The following SCP2 variants were observed in gnomAD, a reference collection of about 807,000 sequenced individuals.
The protein encoded by SCP2 is SCP-2/3-oxoacyl-CoA thiolase.
Under a neutral mutation model 71.4 loss-of-function variants are expected in SCP2, and 48 were observed. The observed-to-expected ratio is 0.67, with a 90% CI of 0.53 to 0.86. The LOEUF is 0.86. Ranked by LOEUF, SCP2 falls within the 40% of genes least tolerant of loss-of-function variation. The probability of loss-of-function intolerance (pLI) is 0.00; values close to 1 mark genes in which losing one functional copy is unlikely to be tolerated. For synonymous variants in SCP2, 220 were observed against 218.1 expected, an observed-to-expected ratio of 1.01 and a Z score of -0.08; for missense variants, 560 against 655.6, an observed-to-expected ratio of 0.85 and a Z score of 1.59.
chr1:53,015,527 C>T (rs1661274841), intron 12 of SCP2, among the ~76,000 whole-genome samples: 1 of 152,176 alleles, frequency 6.6e-6, no homozygotes, highest in Admixed American at 6.5e-5. Context: ...CACTTTCTTT[C>T]GCATCCCACT....
At chr1:52,970,968 ATTTTTTTT>A (rs1200663958) in intron 6 of SCP2, among the ~76,000 whole-genome samples, 2 of 70,976 alleles carry the variant, frequency 2.8e-5, no homozygotes, top group African/African-American at 1.4e-4. Flanking sequence ...AGAGACACAG[ATTTTTTTT>A]TTTTTTTTTT....
At chr1:52,962,320 T>G (rs1015604363) in intron 6 of SCP2, among the ~76,000 whole-genome samples, 2 of 152,182 alleles carry the variant, frequency 1.3e-5, no homozygotes, top group Non-Finnish European at 2.9e-5. Flanking sequence ...GTCTATCCAT[T>G]TCTCACCATT....
intron 11 of SCP2, chr1:52,995,351 G>A (rs559491009): frequency 5.9e-5 from 28 of 472,090 alleles, no homozygotes; most frequent in South Asian, 3.3e-4. Flanking sequence ...ATCTGCTCCC[G>A]CACTTTGAAG....
At chr1:52,952,427 A>G (rs1300111014) in intron 4 of SCP2, among the ~76,000 whole-genome samples, 1 of 152,150 alleles carries the variant, frequency 6.6e-6, no homozygotes, top group Non-Finnish European at 1.5e-5. Context: ...AGGTCTTGCT[A>G]TGTTGCCCAG....
chr1:52,927,458 T>C lies in SCP2; in HGVS notation c.62T>C (p.Met21Thr). 6.2e-7 allele frequency: 1 copy of C among 1,600,006 alleles called. No individual in the cohort carries two copies. Among genetic ancestry groups the C allele is most frequent in the Non-Finnish European group, 8.5e-7 (1 of 1,173,972 alleles). Residue 21 changes from methionine (M) to threonine (T), a missense_variant, in exon 1 of 16, where the codon ATG becomes ACG. By Grantham distance (81) the Met-to-Thr change is moderately conservative. Transcript: ENST00000371514. Reference protein sequence around the residue: ...LRRVFVVGVGMTKFVKPGAEN... With the variant: ...LRRVFVVGVGTTKFVKPGAEN... ...CGGGTGTTCGTGGTGGGGGTTGGCATGACCAAGGTAAACCGAGCAGCGGCC... is the reference window on the plus strand; with the variant it reads ...CGGGTGTTCGTGGTGGGGGTTGGCACGACCAAGGTAAACCGAGCAGCGGCC...
At chr1:53,022,902 G>C (rs896361110) in intron 12 of SCP2, among the ~76,000 whole-genome samples, 1 of 151,998 alleles carries the variant, frequency 6.6e-6, no homozygotes, top group African/African-American at 2.4e-5. Flanking sequence ...TTATTTGCTG[G>C]TTTTTATCTT....
At chr1:53,022,646 C>T (rs1661830376) in intron 12 of SCP2, among the ~76,000 whole-genome samples, 1 of 152,154 alleles carries the variant, frequency 6.6e-6, no homozygotes, top group Non-Finnish European at 1.5e-5. Context: ...TTTGTTTAAT[C>T]CTCATAAAAG....
chr1:52,966,128 C>T (rs1192834912), intron 6 of SCP2, among the ~76,000 whole-genome samples: 1 of 152,118 alleles, frequency 6.6e-6, no homozygotes, highest in Non-Finnish European at 1.5e-5. Flanking sequence ...ACTGACTTAT[C>T]TAATTGTATT....
intron 10 of SCP2, among the ~76,000 whole-genome samples, chr1:52,987,711 G>T (rs1659121729): frequency 6.6e-6 from 1 of 152,148 alleles, no homozygotes; most frequent in South Asian, 2.1e-4. Flanking sequence ...TTTTAAAGCT[G>T]ACAGTTATTT....
chr1:52,927,410 C>A lies in SCP2; in HGVS notation c.14C>A (p.Pro5Gln). 3.1e-6 allele frequency: 5 copies of A among 1,597,850 alleles called. No homozygotes were observed. Among genetic ancestry groups the A allele is most frequent in the Non-Finnish European group, 3.4e-6 (4 of 1,173,356 alleles). Residue 5 changes from proline to glutamine, a missense_variant, in exon 1 of 16, where the codon CCG becomes CAG. Coordinates refer to ENST00000371514, the MANE Select transcript of SCP2 (RefSeq NM_002979.5). MSSS[P>Q]WEPATLRRVF... ...ACTGGTGCAGCCATGTCCTCTTCCC[C>A]GTGGGAGCCTGCGACCCTGCGCCGG...
At chr1:53,012,387 G>A (rs72670836) in intron 11 of SCP2, among the ~76,000 whole-genome samples, 1 of 152,316 alleles carries the variant, frequency 6.6e-6, no homozygotes, top group Non-Finnish European at 1.5e-5. Context: ...AACTTCCCCT[G>A]TATCTTTGGG....
intron 1 of SCP2, chr1:52,928,753 A>G (rs1356070070): frequency 6.5e-6 from 1 of 154,480 alleles, no homozygotes; most frequent in Non-Finnish European, 1.5e-5. Context: ...AGCCTGGGCC[A>G]TAGAGTCAGT....
intron 2 of SCP2, among the ~76,000 whole-genome samples, chr1:52,947,763 G>A (rs1399421730): frequency 6.6e-6 from 1 of 152,184 alleles, no homozygotes. Context: ...GTAGATAGAT[G>A]TGAAGTTATA....
chr1:52,993,450 G>A, intron 11 of SCP2: 1 of 1,613,982 alleles, frequency 6.2e-7, no homozygotes, highest in Non-Finnish European at 8.5e-7. Flanking sequence ...AAAATCATTG[G>A]GAACTCATCA....
At chr1:52,990,868 TTAGA>T (rs1186626510) in intron 11 of SCP2, among the ~76,000 whole-genome samples, 1 of 151,478 alleles carries the variant, frequency 6.6e-6, no homozygotes, top group Admixed American at 6.6e-5. Context: ...GCCACAAAAG[TTAGA>T]TAGATAAAGA....
At chr1:53,003,263 G>T (rs1660433319) in intron 11 of SCP2, among the ~76,000 whole-genome samples, 1 of 152,112 alleles carries the variant, frequency 6.6e-6, no homozygotes, top group Non-Finnish European at 1.5e-5. Context: ...CTGTTGCTCT[G>T]GCTGGAGTGC....
In SCP2 at chr1:53,028,777, T is replaced by C. The variant is rs181950918; in HGVS notation, c.1338+706T>C. 2.1e-3 allele frequency among the ~76,000 whole-genome samples: 319 copies of C among 152,154 alleles called. 8 individuals are homozygous for C. The highest frequency in any genetic ancestry group is 0.019 in the Admixed American group (295 of 15,276). On this transcript the variant is annotated intron_variant, in intron 13 of 15. Coordinates refer to ENST00000371514, the MANE Select transcript of SCP2 (RefSeq NM_002979.5). ...TAGGGTCAAAAAAACCTATTGTTTT[T>C]TGTTTTGTTTTGTTCTGAGACAGTG...
intron 11 of SCP2, among the ~76,000 whole-genome samples, chr1:52,997,572 T>A (rs1334227745): frequency 1.3e-5 from 2 of 152,160 alleles, no homozygotes; most frequent in Non-Finnish European, 2.9e-5. Flanking sequence ...TTATGACATG[T>A]CCAGAATAGG....
chr1:52,992,912 T>G (rs1659623729), intron 11 of SCP2, among the ~76,000 whole-genome samples: 1 of 152,218 alleles, frequency 6.6e-6, no homozygotes, highest in African/African-American at 2.4e-5. Context: ...CTGATTCATC[T>G]CTATTAAAAT....
Sources: gnomAD v4.1 joint callset for allele counts (sites outside exome capture counted in the v4.1 genomes callset) on GRCh38, gnomAD v4.1.1 for gene constraint, MANE v1.5 for transcripts, NCBI Gene and HGNC (gene_info 2026-07-23, HGNC 2026-07-21) for gene names.